MICAL3: variants seen among roughly 807,000 people sequenced by gnomAD.
MICAL3 encodes the protein [F-actin]-monooxygenase MICAL3.
In MICAL3, 62 loss-of-function variants were observed where a neutral mutation model predicts 207.4. That is an observed-to-expected ratio of 0.30 (90% confidence interval 0.24 to 0.37). MICAL3 has a LOEUF of 0.37. Ranked by LOEUF, MICAL3 falls within the 10% of genes least tolerant of loss-of-function variation. The pLI is 1.00. For missense variants in MICAL3, 2,368 were observed against 2,635.6 expected, an observed-to-expected ratio of 0.90 and a Z score of 2.22; for synonymous variants, 1,077 against 1,069.3, an observed-to-expected ratio of 1.01 and a Z score of -0.14.
intron 19 of MICAL3, among the ~76,000 whole-genome samples, chr22:17,859,477 T>C (rs1290255423): frequency 3.3e-5 from 5 of 152,220 alleles, no homozygotes; most frequent in African/African-American, 1.2e-4. Flanking sequence ...GTGCCACGGC[T>C]GCTAATGCCA....
At position 17,899,402 on chromosome 22, in the gene MICAL3, T is replaced by A. The variant is rs369719788; in HGVS notation, c.948+46A>T. On this transcript the variant is annotated intron_variant, in intron 7 of 31. Transcript: ENST00000441493. The stretch of plus-strand genomic sequence containing the variant: ...AGACAATTCTTTCTCTTGGTGATAT[T>A]AACCACTTCAATAAGAAAGAGTTTT... 9.5e-5 allele frequency: 117 copies of A among 1,237,660 alleles called. No individual in the cohort carries two copies. The African/African-American group carries it at 1.6e-3, about 17-fold the overall frequency. The allele number at this position is 1,237,660 out of a possible 1,614,324, so 76.7% of individuals were successfully genotyped here. A position where few individuals can be genotyped will look rare whatever the true frequency, so the allele number is the denominator to read the frequency against.
intron 7 of MICAL3, 92 bp downstream of exon 7, chr22:17,899,356 C>G: frequency 1.2e-6 from 1 of 856,044 alleles, no homozygotes; most frequent in Non-Finnish European, 1.9e-6. Context: ...CATTTTCATT[C>G]CCTTGCAGGA....
At chr22:17,865,015 T>C (rs1429216609) in intron 18 of MICAL3, 29 bp from the exon 19 acceptor site, 13 of 1,580,512 alleles carry the variant, frequency 8.2e-6, no homozygotes, top group Non-Finnish European at 1.1e-5. Context: ...AAAAGAAGAG[T>C]GACTCTGACT....
intron 1 of MICAL3, among the ~76,000 whole-genome samples, chr22:17,911,446 G>A (rs968508790): frequency 5.3e-5 from 8 of 152,276 alleles, no homozygotes; most frequent in South Asian, 2.1e-4. Context: ...ACCAGCGAAC[G>A]TGCAAATTTC....
At chr22:17,949,954 C>T (rs7293187) in intron 1 of MICAL3, among the ~76,000 whole-genome samples, 1 of 152,174 alleles carries the variant, frequency 6.6e-6, no homozygotes, top group East Asian at 1.9e-4. Context: ...TGCTGCTGAC[C>T]AACAGGAGCT....
intron 12 of MICAL3, among the ~76,000 whole-genome samples, chr22:17,889,846 T>C (rs1043576628): frequency 6.6e-6 from 1 of 152,148 alleles, no homozygotes; most frequent in African/African-American, 2.4e-5. Context: ...ATCTTTAATA[T>C]ATCTTGATCC....
intron 16 of MICAL3, among the ~76,000 whole-genome samples, chr22:17,881,603 C>T (rs1405403440): frequency 6.6e-6 from 1 of 152,160 alleles, no homozygotes; most frequent in Non-Finnish European, 1.5e-5. Context: ...AAGAAATAGG[C>T]TTGCTGATGA....
chr22:17,842,857 C>T (rs1250807944), intron 19 of MICAL3, among the ~76,000 whole-genome samples: 2 of 152,152 alleles, frequency 1.3e-5, no homozygotes, highest in African/African-American at 4.8e-5. Flanking sequence ...TGCGGTGGCT[C>T]ACGCCTGTAA....
chr22:17,799,661 G>A (rs1396723558), intron 29 of MICAL3, among the ~76,000 whole-genome samples: 1 of 152,188 alleles, frequency 6.6e-6, no homozygotes, highest in African/African-American at 2.4e-5. Flanking sequence ...CTAAAACCTC[G>A]GGCGATGACA....
At chr22:17,886,353 CA>C (rs889382509) in intron 15 of MICAL3, among the ~76,000 whole-genome samples, 22 of 152,326 alleles carry the variant, frequency 1.4e-4, no homozygotes, top group African/African-American at 5.3e-4. Context: ...GAAAATTAAA[CA>C]AAGGCAAACA....
chr22:17,874,037 G>A (rs886667637), intron 16 of MICAL3, among the ~76,000 whole-genome samples: 5 of 152,354 alleles, frequency 3.3e-5, no homozygotes, highest in East Asian at 1.9e-4. Flanking sequence ...ATAAGGCCTC[G>A]TGTGAGGAAG....
intron 1 of MICAL3, among the ~76,000 whole-genome samples, chr22:17,942,908 T>C (rs1933878402): frequency 6.6e-6 from 1 of 152,280 alleles, no homozygotes; most frequent in South Asian, 2.1e-4. Context: ...AGGTCCAAGG[T>C]GAAAGCAGAT....
intron 16 of MICAL3, chr22:17,872,616 C>G (rs969345678): frequency 3.1e-6 from 2 of 650,170 alleles, no homozygotes; most frequent in East Asian, 5.4e-5. Context: ...GTTATCAAAA[C>G]CCAGACAACC....
At position 17,882,753 on chromosome 22, in the gene MICAL3, T is replaced by C. The variant is rs1301659265; in HGVS notation, c.2241+3125A>G. ...CTCACCGCTAACGATTTCTCACCAA[T>C]CAAGTCTCATTTATACATCTGCCCA... On this transcript the variant is annotated intron_variant, in intron 16 of 31. Coordinates refer to ENST00000441493, the MANE Select transcript of MICAL3 (RefSeq NM_015241.3). Among the ~76,000 whole-genome samples, 3 of 152,276 alleles carry C rather than the reference T, an allele frequency of 2.0e-5. No individual in the cohort carries two copies. In the South Asian group the frequency reaches 6.2e-4, roughly 32 times the overall value.
At position 18,012,113 on chromosome 22, in the gene MICAL3, T is replaced by C. The variant is rs1416407120; in HGVS notation, c.-75+12168A>G. 5.3e-5 allele frequency among the ~76,000 whole-genome samples: 8 copies of C among 152,084 alleles called. 1 individual carries two copies. In the South Asian group the frequency reaches 1.4e-3, roughly 28 times the overall value. ...AGCCAGGTATGGTGGCGGGAGCCTA[T>C]AATCCCAGCTTCTCAGGAGGCTGAG... On this transcript the variant is annotated intron_variant, in intron 1 of 31. Coordinates refer to ENST00000441493, the MANE Select transcript of MICAL3 (RefSeq NM_015241.3).
chr22:17,849,699 T>A (rs1217767429), intron 19 of MICAL3, among the ~76,000 whole-genome samples: 24 of 138,726 alleles, frequency 1.7e-4, no homozygotes, highest in Admixed American at 1.5e-3. Flanking sequence ...TTTTTTTTTT[T>A]TTTTTTTTTT....
At chr22:17,996,647 C>T (rs1213774972) in intron 1 of MICAL3, among the ~76,000 whole-genome samples, 3 of 152,076 alleles carry the variant, frequency 2.0e-5, no homozygotes, top group Non-Finnish European at 4.4e-5. Context: ...GTGTCTGACA[C>T]CACCCATCAC....
At chr22:17,953,315 G>A (rs2146364064) in intron 1 of MICAL3, among the ~76,000 whole-genome samples, 1 of 152,254 alleles carries the variant, frequency 6.6e-6, no homozygotes, top group African/African-American at 2.4e-5. Context: ...CCAGTCCTAA[G>A]GTCAGCTCCC....
chr22:17,803,769 C>T (rs575441078), intron 29 of MICAL3: 74 of 960,156 alleles, frequency 7.7e-5, no homozygotes, highest in South Asian at 9.6e-5. Context: ...GGAGAAAGGG[C>T]GTCAGCGGGG....
Sources: gnomAD v4.1 joint callset for allele counts (sites outside exome capture counted in the v4.1 genomes callset) on GRCh38, gnomAD v4.1.1 for gene constraint, MANE v1.5 for transcripts, NCBI Gene and HGNC (gene_info 2026-07-23, HGNC 2026-07-21) for gene names.